The following NEXN variants were observed in gnomAD, a reference collection of about 807,000 sequenced individuals.
NEXN encodes nexilin.
A neutral mutation model predicts 92.6 loss-of-function variants in NEXN; 65 were observed. The observed-to-expected ratio is 0.70, with a 90% confidence interval of 0.57 to 0.86. NEXN has a LOEUF of 0.86. NEXN is among the 40% of genes least tolerant of loss of function. The pLI is 0.00. For synonymous variants in NEXN, 254 were observed against 242.5 expected, an observed-to-expected ratio of 1.05 and a Z score of -0.44; for missense variants, 778 against 771.1, an observed-to-expected ratio of 1.01 and a Z score of -0.11.
At chr1:77,931,575 A>G (rs2102141167) in intron 9 of NEXN, 1 of 152,280 alleles carries the variant, frequency 6.6e-6, no homozygotes, top group South Asian at 2.1e-4. Context: ...TTAAAACAAA[A>G]CCAAGTTTCC....
chr1:77,927,599 T>TGTGA (rs796691010), intron 8 of NEXN, among the ~76,000 whole-genome samples: 362 of 32,486 alleles, frequency 0.011, 1 homozygote, highest in African/African-American at 0.029. Flanking sequence ...TGTGTGTGTG[T>TGTGA]GTCTGTGTGT....
chr1:77,896,865 G>A (rs1647288545), intron 1 of NEXN, among the ~76,000 whole-genome samples: 1 of 152,018 alleles, frequency 6.6e-6, no homozygotes, highest in Admixed American at 6.6e-5. Context: ...ACTACCATCA[G>A]AGAATACTAC....
At position 77,895,420 on chromosome 1, in the gene NEXN, G is replaced by A. The variant is rs978690352; in HGVS notation, c.-53+6661G>A. On this transcript the variant is annotated intron_variant, in intron 1 of 12. Transcript: ENST00000334785. ...TGCAATAAAGTTACATTATACCTAA[G>A]TTTATGTTTCCTGTACAAGTGAAAA... 3.4e-4 allele frequency among the ~76,000 whole-genome samples: 51 copies of A among 152,178 alleles called. 1 individual carries two copies. Among genetic ancestry groups the A allele is most frequent in the African/African-American group, 1.1e-3 (47 of 41,516 alleles).
At chr1:77,899,164 A>G (rs1051514651) in intron 1 of NEXN, among the ~76,000 whole-genome samples, 13 of 152,168 alleles carry the variant, frequency 8.5e-5, no homozygotes, top group African/African-American at 3.1e-4. Flanking sequence ...CTGGGTATAT[A>G]CCCAAAGGAC....
intron 5 of NEXN, among the ~76,000 whole-genome samples, chr1:77,924,541 A>C (rs1164768222): frequency 6.6e-6 from 1 of 152,218 alleles, no homozygotes; most frequent in Non-Finnish European, 1.5e-5. Context: ...GTCTTGGTTT[A>C]AATTGCTAAT....
At chr1:77,894,721 T>C (rs1287946408) in intron 1 of NEXN, among the ~76,000 whole-genome samples, 1 of 151,912 alleles carries the variant, frequency 6.6e-6, no homozygotes, top group Non-Finnish European at 1.5e-5. Flanking sequence ...ATACTTTTTT[T>C]TCCTTTTTTT....
rs773258784 is a variant in NEXN, at chr1:77,942,183, G to C, written c.1634G>C (p.Arg545Thr). 8 of 1,613,596 alleles carry C rather than the reference G, an allele frequency of 5.0e-6. No individual in the cohort carries two copies. The highest frequency in any genetic ancestry group is 3.3e-4 in the Middle Eastern group (2 of 6,082). ...QKLLRMQFEQREIDAALQKKR... is the reference protein window; with the variant it reads ...QKLLRMQFEQTEIDAALQKKR... ...TTACTACGCATGCAGTTTGAACAAA[G>C]GGAAATTGATGCAGCACTACAAAAG... The change falls in exon 12 of 13, where the codon AGG (arginine) becomes ACG (threonine). Residue 545 changes from arginine (R) to threonine (T), a missense_variant. By Grantham distance (71) the Arg-to-Thr change is moderately conservative. This residue lies in a region of NEXN where 532 missense variants were observed against 476.7 expected (regional missense o/e 1.12). Coordinates refer to ENST00000334785, the MANE Select transcript of NEXN (RefSeq NM_144573.4).
rs1206218282 is a variant in NEXN, at chr1:77,893,897, G to A, written c.-53+5138G>A. On this transcript the variant is annotated intron_variant, in intron 1 of 12. Coordinates refer to ENST00000334785, the MANE Select transcript of NEXN (RefSeq NM_144573.4). ...GCCCAGGCTGAAGTGGCACCATCTC[G>A]TCTTAGTGCAATCTCCACCCCCTGG... 4.6e-5 allele frequency among the ~76,000 whole-genome samples: 7 copies of A among 150,710 alleles called. No individual in the cohort carries two copies. The South Asian group carries it at 6.3e-4, about 14-fold the overall frequency.
At chr1:77,895,431 C>A (rs924121045) in intron 1 of NEXN, among the ~76,000 whole-genome samples, 16 of 152,086 alleles carry the variant, frequency 1.1e-4, no homozygotes, top group Non-Finnish European at 2.2e-4. Flanking sequence ...TTTATGTTTC[C>A]TGTACAAGTG....
chr1:77,939,412 G>GA (rs1265917547), intron 11 of NEXN, among the ~76,000 whole-genome samples: 1 of 152,212 alleles, frequency 6.6e-6, no homozygotes, highest in East Asian at 1.9e-4. Flanking sequence ...GTTAATTGTT[G>GA]AAAGTGAATT....
intron 1 of NEXN, among the ~76,000 whole-genome samples, chr1:77,903,732 A>G (rs1647893678): frequency 2.0e-5 from 3 of 152,012 alleles, no homozygotes; most frequent in South Asian, 4.1e-4. Flanking sequence ...CTGACAAGCC[A>G]TGGGCAATAT....
chr1:77,937,349 A>G (rs1650858207), intron 11 of NEXN, among the ~76,000 whole-genome samples: 1 of 151,958 alleles, frequency 6.6e-6, no homozygotes, highest in South Asian at 2.1e-4. Context: ...TTGTCTATAT[A>G]GCTGGATCAT....
chr1:77,902,649 T>C (rs985666722), intron 1 of NEXN, among the ~76,000 whole-genome samples: 2 of 152,122 alleles, frequency 1.3e-5, no homozygotes, highest in Admixed American at 1.3e-4. Context: ...TTGATATGGG[T>C]GTATGGGGGT....
rs375526244 is a variant in NEXN, at chr1:77,936,602, G to T, written c.1473+558G>T. 2.6e-5 allele frequency among the ~76,000 whole-genome samples: 4 copies of T among 152,286 alleles called. No individual in the cohort carries two copies. In the East Asian group the frequency reaches 5.8e-4, roughly 22 times the overall value. On this transcript the variant is annotated intron_variant, in intron 11 of 12. Transcript: ENST00000334785. The stretch of plus-strand genomic sequence containing the variant: ...ATTCGGTGTGGAAGAGCCTAAATGA[G>T]AATTCTGATGACATGAATTTGAATT...
At chr1:77,942,382 T>C (rs529057540) in intron 12 of NEXN, 79 bp from the exon 13 acceptor site, 2 of 1,508,978 alleles carry the variant, frequency 1.3e-6, no homozygotes, top group South Asian at 2.3e-5. Flanking sequence ...AAAAAAAAAA[T>C]TTCATTTCAA....
At chr1:77,926,152 G>A (rs79517624) in intron 6 of NEXN, among the ~76,000 whole-genome samples, 20 of 152,056 alleles carry the variant, frequency 1.3e-4, no homozygotes, top group African/African-American at 4.1e-4. Context: ...CTGCAGTTTC[G>A]TTATCCAAAC....
chr1:77,941,586 G>A (rs957106906), intron 11 of NEXN: 3 of 175,676 alleles, frequency 1.7e-5, no homozygotes, highest in African/African-American at 7.2e-5. Context: ...ATTCATTAGG[G>A]ACATAGTTCT....
In NEXN at chr1:77,942,835, CTT is replaced by C. The variant is rs750925304; in HGVS notation, c.*10_*11del. 6 of 1,595,832 alleles carry C rather than the reference CTT, an allele frequency of 3.8e-6. No individual in the cohort carries two copies. The highest frequency in any genetic ancestry group is 1.4e-5 in the African/African-American group (1 of 73,966). Reference sequence around the variant, plus strand: ...CCATTGAAAGTAAGAATTAATCACTCTTTTTATCTTTTATTCTATTAATTTTT... The same window carrying C: ...CCATTGAAAGTAAGAATTAATCACTCTTTATCTTTTATTCTATTAATTTTT... On this transcript the variant is annotated 3_prime_UTR_variant, in exon 13 of 13. Coordinates refer to ENST00000334785, the MANE Select transcript of NEXN (RefSeq NM_144573.4).
rs777199203 is a variant in NEXN, at chr1:77,926,905, A to G, written c.864+13A>G. The G allele has an allele frequency of 6.2e-7, 1 of 1,613,654 alleles. No homozygotes were observed. The highest frequency in any genetic ancestry group is 2.2e-5 in the East Asian group (1 of 44,848). On this transcript the variant is annotated intron_variant, in intron 8 of 12. Coordinates refer to ENST00000334785, the MANE Select transcript of NEXN (RefSeq NM_144573.4). ...AAGGCGGCAAATGGTAAATCTACAT[A>G]TTTAAACCTTACAATTAATATTAAT...
Sources: gnomAD v4.1 joint callset for allele counts (sites outside exome capture counted in the v4.1 genomes callset) on GRCh38, gnomAD v4.1.1 for gene constraint, gnomAD v4.1.1 regional missense constraint, MANE v1.5 for transcripts, NCBI Gene and HGNC (gene_info 2026-07-23, HGNC 2026-07-21) for gene names.